KLHL29: variants seen among roughly 807,000 people sequenced by gnomAD.
KLHL29 encodes the protein kelch like family member 29.
Under a neutral mutation model 80.4 loss-of-function variants are expected in KLHL29, and 21 were observed. The observed-to-expected ratio is 0.26, with a 90% CI of 0.19 to 0.38. KLHL29 has a LOEUF of 0.38. Among genes scored for constraint, KLHL29 ranks in the 10% least tolerant of loss-of-function variants. The probability of loss-of-function intolerance (pLI) is 1.00; values close to 1 mark genes in which losing one functional copy is unlikely to be tolerated. For missense variants in KLHL29, 867 were observed against 1,223.9 expected (o/e 0.71, Z 4.35); for synonymous variants, 511 against 526.8 (o/e 0.97, Z 0.41).
chr2:23,675,914 G>A (rs1332840778), intron 5 of KLHL29, among the ~76,000 whole-genome samples: 5 of 152,156 alleles, frequency 3.3e-5, no homozygotes, highest in African/African-American at 1.2e-4. Flanking sequence ...CCCCTAGCAC[G>A]CATCTGCATG....
At chr2:23,394,599 G>A (rs1050210590) in intron 1 of KLHL29, among the ~76,000 whole-genome samples, 4 of 152,176 alleles carry the variant, frequency 2.6e-5, no homozygotes, top group African/African-American at 9.7e-5. Context: ...AAGGAAGAGA[G>A]CCAATATTCC....
intron 1 of KLHL29, among the ~76,000 whole-genome samples, chr2:23,456,351 C>T (rs1009372175): frequency 1.1e-4 from 16 of 152,232 alleles, no homozygotes; most frequent in African/African-American, 3.9e-4. Context: ...CCACAGAACC[C>T]CCAGCATGCT....
intron 7 of KLHL29, among the ~76,000 whole-genome samples, chr2:23,692,467 GC>G (rs752657620): frequency 6.6e-6 from 1 of 152,214 alleles, no homozygotes; most frequent in Non-Finnish European, 1.5e-5. Context: ...AAAGACGAAA[GC>G]CCCCAAAGAA....
At chr2:23,646,430 G>C (rs1034320730) in intron 5 of KLHL29, among the ~76,000 whole-genome samples, 3 of 152,252 alleles carry the variant, frequency 2.0e-5, no homozygotes, top group East Asian at 1.9e-4. Context: ...CTGCAGAAAG[G>C]CTATTGTGTC....
chr2:23,550,564 TAA>T (rs1327151433), intron 2 of KLHL29, among the ~76,000 whole-genome samples: 1 of 152,076 alleles, frequency 6.6e-6, no homozygotes, highest in Non-Finnish European at 1.5e-5. Flanking sequence ...CTCGGTGAAA[TAA>T]AAGAGTGGTC....
chr2:23,516,665 G>T (rs866131171), intron 2 of KLHL29, among the ~76,000 whole-genome samples: 17 of 152,194 alleles, frequency 1.1e-4, no homozygotes, highest in African/African-American at 4.1e-4. Context: ...TGACTTCTTG[G>T]CAGACTTCTT....
rs1243443385 is a variant in KLHL29, at chr2:23,647,698, AG to A, written c.940+4849del. 3.3e-5 allele frequency among the ~76,000 whole-genome samples: 5 copies of A among 152,128 alleles called. No individual in the cohort carries two copies. The East Asian group carries it at 9.7e-4, about 29-fold the overall frequency. ...CCTGCCACACCCTGTCCAACAACCC[AG>A]TTGCTCTGGGGACAACGGCCAGCGC... On this transcript the variant is annotated intron_variant, in intron 5 of 13. Transcript: ENST00000486442. The surrounding 1 kb of genome is among the most constrained non-coding windows in gnomAD (Gnocchi z 4.9).
chr2:23,611,466 G>A (rs1278552844), intron 3 of KLHL29, among the ~76,000 whole-genome samples: 1 of 152,138 alleles, frequency 6.6e-6, no homozygotes, highest in African/African-American at 2.4e-5. Context: ...AAATCCTCTG[G>A]GTTCTCCAAA....
intron 1 of KLHL29, among the ~76,000 whole-genome samples, chr2:23,395,352 G>C (rs1666424638): frequency 1.3e-5 from 2 of 152,130 alleles, no homozygotes; most frequent in Non-Finnish European, 1.5e-5. Flanking sequence ...CAGTAGAGAG[G>C]GGTAGAAAAT....
chr2:23,696,994 C>T lies in KLHL29; in HGVS notation c.2105+481C>T, dbSNP rs1047810775. 6.2e-6 allele frequency: 1 copy of T among 161,152 alleles called. No homozygotes were observed. The highest frequency in any genetic ancestry group is 1.4e-5 in the Non-Finnish European group (1 of 72,918). The allele number at this position is 161,152 out of a possible 1,614,324, so 10.0% of individuals were successfully genotyped here. A position where few individuals can be genotyped will look rare whatever the true frequency, so the allele number is the denominator to read the frequency against. The stretch of plus-strand genomic sequence containing the variant: ...CGGGGGGTCCCACACCAGGGAGCTC[C>T]CTTCCTCCCTCCAGCCACACACACC... On this transcript the variant is annotated intron_variant, in intron 11 of 13. Coordinates refer to ENST00000486442, the MANE Select transcript of KLHL29 (RefSeq NM_052920.2). This position sits in a 1 kb window ranked among gnomAD's most constrained non-coding sequence, Gnocchi z 5.5.
intron 3 of KLHL29, among the ~76,000 whole-genome samples, chr2:23,579,591 G>A (rs972862444): frequency 1.3e-5 from 2 of 152,048 alleles, no homozygotes; most frequent in Non-Finnish European, 2.9e-5. Context: ...TTTCCCTCCA[G>A]TCCCACTTCC....
At chr2:23,398,046 T>A (rs1666495731) in intron 1 of KLHL29, among the ~76,000 whole-genome samples, 1 of 152,238 alleles carries the variant, frequency 6.6e-6, no homozygotes, top group African/African-American at 2.4e-5. Context: ...GAAAACATTA[T>A]GGCCATTCTT....
intron 8 of KLHL29, among the ~76,000 whole-genome samples, chr2:23,694,310 G>A (rs967892122): frequency 3.9e-5 from 6 of 152,102 alleles, no homozygotes; most frequent in Non-Finnish European, 7.4e-5. Context: ...TTCGCTACAC[G>A]CGCTCATTCC....
At chr2:23,628,889 G>A (rs1452355700) in intron 3 of KLHL29, among the ~76,000 whole-genome samples, 1 of 152,208 alleles carries the variant, frequency 6.6e-6, no homozygotes. Flanking sequence ...TGGGGAGGGC[G>A]GGGGTGGGCC....
At chr2:23,653,162 G>A (rs1182355760) in intron 5 of KLHL29, among the ~76,000 whole-genome samples, 1 of 152,192 alleles carries the variant, frequency 6.6e-6, no homozygotes, top group Non-Finnish European at 1.5e-5. Flanking sequence ...GAATGTCAGA[G>A]TAGGATGCTA....
intron 5 of KLHL29, among the ~76,000 whole-genome samples, chr2:23,648,982 T>A (rs1670014489): frequency 6.6e-6 from 1 of 152,176 alleles, no homozygotes; most frequent in African/African-American, 2.4e-5. Context: ...GAGGATTAAA[T>A]AATGTATGTA....
In KLHL29 at chr2:23,538,902, A is replaced by G. The variant is rs543934719; in HGVS notation, c.-45-23250A>G. Among the ~76,000 whole-genome samples, 11 of 152,380 alleles carry G rather than the reference A, an allele frequency of 7.2e-5. No individual in the cohort carries two copies. The East Asian group carries it at 2.1e-3, about 29-fold the overall frequency. On this transcript the variant is annotated intron_variant, in intron 2 of 13. Coordinates refer to ENST00000486442, the MANE Select transcript of KLHL29 (RefSeq NM_052920.2). ...GCACACAAAATCTCGTTCTTTCTTC[A>G]TCATCAATCCCTCCGGCTTTAATTC... is the stretch of plus-strand genomic sequence containing the variant.
Position 23,516,315 on chromosome 2 carries a change from G to A in KLHL29, c.-46+40648G>A, listed in dbSNP as rs146811043. 2.7e-3 allele frequency among the ~76,000 whole-genome samples: 409 copies of A among 152,282 alleles called. 2 individuals carry two copies. Among genetic ancestry groups the A allele is most frequent in the African/African-American group, 9.3e-3 (388 of 41,550 alleles). ...ATTCGAAGGCAGCACCCTGCACACA[G>A]CCTAGCATCTGCACTGCTCAAGGCC... On this transcript the variant is annotated intron_variant, in intron 2 of 13. Transcript: ENST00000486442.
chr2:23,427,005 T>C (rs1233602932), intron 1 of KLHL29, among the ~76,000 whole-genome samples: 1 of 152,224 alleles, frequency 6.6e-6, no homozygotes, highest in Non-Finnish European at 1.5e-5. Flanking sequence ...GATGTGGATT[T>C]GAGCCATTAA....
Sources: gnomAD v4.1 joint callset for allele counts (sites outside exome capture counted in the v4.1 genomes callset) on GRCh38, gnomAD v4.1.1 for gene constraint, Gnocchi (gnomAD v3.1) non-coding constraint, MANE v1.5 for transcripts, NCBI Gene and HGNC (gene_info 2026-07-23, HGNC 2026-07-21) for gene names.